Variants in SETD1A observed in about 807,000 individuals in gnomAD.
SETD1A encodes the protein SET domain containing 1A, histone lysine methyltransferase, also known as histone-lysine N-methyltransferase SETD1A.
In SETD1A, 29 loss-of-function variants were observed where a neutral mutation model predicts 149.9. The observed-to-expected ratio is 0.19, with a 90% confidence interval of 0.14 to 0.26. SETD1A has a LOEUF of 0.26. Ranked by LOEUF, SETD1A falls within the 10% of genes least tolerant of loss-of-function variation. The probability of loss-of-function intolerance (pLI) is 1.00; values close to 1 mark genes in which losing one functional copy is unlikely to be tolerated. For synonymous variants in SETD1A, 1,141 were observed against 968.5 expected (o/e 1.18, Z -3.31); for missense variants, 2,109 against 2,353.1 (o/e 0.90, Z 2.15).
At chr16:30,958,629 C>T (rs546255672) in intron 1 of SETD1A, 88 bp from the exon 2 acceptor site, 5 of 1,173,116 alleles carry the variant, frequency 4.3e-6, no homozygotes, top group Admixed American at 1.9e-5. Flanking sequence ...GATGGGAGAA[C>T]CTGGAATCGG....
Position 30,967,587 on chromosome 16 carries a change from C to T in SETD1A, c.2769C>T (p.Asp923=), listed in dbSNP as rs763265030. Residue 923 remains aspartate (D), a splice_region_variant and synonymous_variant, in exon 10 of 19, where the codon GAC becomes GAT. Transcript: ENST00000262519. ...RPSTPAEEDE[D]DPEQEKEAGE... Reference sequence around the variant, plus strand: ...CCACTCCTGCTGAGGAAGATGAAGACGGTGAGCAGGGTCAGGCATAAGGAG... The same window carrying T: ...CCACTCCTGCTGAGGAAGATGAAGATGGTGAGCAGGGTCAGGCATAAGGAG... 5.0e-5 allele frequency: 80 copies of T among 1,612,948 alleles called. No individual in the cohort carries two copies. Among genetic ancestry groups the T allele is most frequent in the Admixed American group, 8.3e-5 (5 of 59,970 alleles).
At chr16:30,969,204 C>A in intron 10 of SETD1A, 101 bp from the exon 11 acceptor site, 1 of 1,191,362 alleles carries the variant, frequency 8.4e-7, no homozygotes, top group Non-Finnish European at 1.2e-6. Flanking sequence ...GAAATGAAGA[C>A]CATCAGGAAG....
At chr16:30,974,395 G>A (rs189867295) in intron 13 of SETD1A, among the ~76,000 whole-genome samples, 2 of 151,368 alleles carry the variant, frequency 1.3e-5, no homozygotes, top group East Asian at 1.9e-4. Flanking sequence ...GTAGGCGAGT[G>A]GGGGGAGAGA....
rs1567363984 is a variant in SETD1A at position 30,979,988 on chromosome 16, G to GCCCCCCCACCCCCCC, written c.4204_4205insCCCCCACCCCCCCCC (p.Arg1401_Arg1402insProProThrProPro). On this transcript the variant is annotated inframe_insertion, in exon 14 of 19. Transcript: ENST00000262519. ...AGCCTCCGCTCCCACGCCCGGCGCC[G>GCCCCCCCACCCCCCC]CCGCCCTCCGCCCCCACCCCCGCCG... The GCCCCCCCACCCCCCC allele has an allele frequency of 2.0e-6, 3 of 1,494,234 alleles. No homozygotes were observed. Among genetic ancestry groups the GCCCCCCCACCCCCCC allele is most frequent in the South Asian group, 1.3e-5 (1 of 78,386 alleles). 92.6% of individuals were successfully genotyped at this position (1,494,234 alleles called of 1,614,324 possible). A position where few individuals can be genotyped will look rare whatever the true frequency, so the allele number is the denominator to read the frequency against.
rs145879879 is a variant in SETD1A, at chr16:30,964,153, G to T, written c.699G>T (p.Ala233=). 1.2e-5 allele frequency: 19 copies of T among 1,613,902 alleles called. No homozygotes were observed. In the Admixed American group the frequency reaches 2.8e-4, roughly 24 times the overall value. ...CTGCCTACCCAGCAGGCACCACTGCGGTGGGCACTCCTGGCAACGGCACCC... is the reference window on the plus strand; with the variant it reads ...CTGCCTACCCAGCAGGCACCACTGCTGTGGGCACTCCTGGCAACGGCACCC... ...DTAAYPAGTT[A]VGTPGNGTPC... The change falls in exon 6 of 19, where the codon GCG becomes GCT. Residue 233 remains alanine, a synonymous_variant. Transcript: ENST00000262519.
In SETD1A at chr16:30,964,287, G is replaced by GCAC; in HGVS notation, c.835_837dup (p.Thr279dup). On this transcript the variant is annotated inframe_insertion, in exon 6 of 19. Transcript: ENST00000262519. ...GGAACCCCCTACACGTCTCGGGGCAGCACCCCCTACTCTCAGGACTCTGCC... is the reference window on the plus strand; with the variant it reads ...GGAACCCCCTACACGTCTCGGGGCAGCACCACCCCCTACTCTCAGGACTCTGCC... 1 of 1,613,852 alleles carries GCAC rather than the reference G, an allele frequency of 6.2e-7. No homozygotes were observed. Among genetic ancestry groups the GCAC allele is most frequent in the East Asian group, 2.2e-5 (1 of 44,880 alleles).
intron 13 of SETD1A, among the ~76,000 whole-genome samples, chr16:30,976,231 C>A (rs991510146): frequency 6.6e-5 from 10 of 152,002 alleles, no homozygotes; most frequent in African/African-American, 1.2e-4. Flanking sequence ...ACAACAACAA[C>A]AAAAAAAGCC....
In SETD1A at chr16:30,966,925, T is replaced by C; in HGVS notation, c.2547T>C (p.Asp849=). 6.4e-7 allele frequency: 1 copy of C among 1,572,654 alleles called. No individual in the cohort carries two copies. Among genetic ancestry groups the C allele is most frequent in the Non-Finnish European group, 8.6e-7 (1 of 1,159,334 alleles). Residue 849 remains aspartate, a synonymous_variant, in exon 9 of 19, where the codon GAT becomes GAC. Transcript: ENST00000262519. ...CCAAGCAGCAAGCCAAGGAGGAGGA[T>C]AAAGAGAAGACGAAGCTGAAGGAGC... ...NAAKQQAKEE[D]KEKTKLKEPG...
In SETD1A at chr16:30,971,676, C is replaced by T; in HGVS notation, c.3315C>T (p.Val1105=). The T allele has an allele frequency of 6.2e-7, 1 of 1,601,302 alleles. No individual in the cohort carries two copies. Among genetic ancestry groups the T allele is most frequent in the Non-Finnish European group, 8.5e-7 (1 of 1,171,228 alleles). The change falls in exon 13 of 19, where the codon GTC becomes GTT. Residue 1105 remains valine, a synonymous_variant. Transcript: ENST00000262519. ...PVPERVAGSP[V]TPLPEQEASP... ...CGGAAAGGGTTGCAGGCTCCCCAGTCACACCCCTGCCCGAACAGGAGGCGT... is the reference window on the plus strand; with the variant it reads ...CGGAAAGGGTTGCAGGCTCCCCAGTTACACCCCTGCCCGAACAGGAGGCGT...
chr16:30,971,731 A>G lies in SETD1A; in HGVS notation c.3358+12A>G. 6.5e-7 allele frequency: 1 copy of G among 1,542,496 alleles called. No homozygotes were observed. The highest frequency in any genetic ancestry group is 1.4e-5 in the African/African-American group (1 of 72,928). ...AGCAAGGCCTGCAGGTAGGTGCCAC[A>G]GGGCTGTCGGTTAGATCGCTGTGTG... On this transcript the variant is annotated intron_variant, in intron 13 of 18. Coordinates refer to ENST00000262519, the MANE Select transcript of SETD1A (RefSeq NM_014712.3).
At chr16:30,982,183 T>C (rs1046473554) in intron 17 of SETD1A, among the ~76,000 whole-genome samples, 5 of 152,022 alleles carry the variant, frequency 3.3e-5, no homozygotes, top group African/African-American at 9.7e-5. Context: ...TGTGAGAGTG[T>C]GGAGGTCAGC....
rs1442056129 is a variant in SETD1A, at chr16:30,970,396, G to A, written c.3016+707G>A. Among the ~76,000 whole-genome samples, 5 of 151,494 alleles carry A rather than the reference G, an allele frequency of 3.3e-5. No homozygotes were observed. The East Asian group carries it at 7.8e-4, about 23-fold the overall frequency. On this transcript the variant is annotated intron_variant, in intron 12 of 18. Coordinates refer to ENST00000262519, the MANE Select transcript of SETD1A (RefSeq NM_014712.3). ...GATTTTCCTGCCTCAGCCTCCCAAA[G>A]CGCTGGGATTACAGGTGTGAGCCAC...
At chr16:30,963,587 C>G (rs749345424) in intron 5 of SETD1A, 33 bp downstream of exon 5, 2 of 1,599,074 alleles carry the variant, frequency 1.3e-6, no homozygotes, top group South Asian at 2.2e-5. Flanking sequence ...AGCCCCTAGC[C>G]ATGTGGGCAT....
At chr16:30,959,801 A>C in intron 3 of SETD1A, among the ~76,000 whole-genome samples, 1 of 147,888 alleles carries the variant, frequency 6.8e-6, no homozygotes. Flanking sequence ...TCTCTTTCAC[A>C]CCCACAGCTT....
In SETD1A at chr16:30,961,166, G is replaced by C. The variant is rs1352212226; in HGVS notation, c.247-101G>C. The C allele has an allele frequency of 8.0e-7, 1 of 1,257,790 alleles. No individual in the cohort carries two copies. Among genetic ancestry groups the C allele is most frequent in the African/African-American group, 1.5e-5 (1 of 66,298 alleles). The allele number at this position is 1,257,790 out of a possible 1,614,324, so 77.9% of individuals were successfully genotyped here. A position where few individuals can be genotyped will look rare whatever the true frequency, so the allele number is the denominator to read the frequency against. ...CCTTCCCTTGCCCCTCACTTTCCCGGATCTCTCTCTTGACTTCATGGAGCT... is the reference window on the plus strand; with the variant it reads ...CCTTCCCTTGCCCCTCACTTTCCCGCATCTCTCTCTTGACTTCATGGAGCT... On this transcript the variant is annotated intron_variant, in intron 3 of 18. Transcript: ENST00000262519. This position sits in a 1 kb window ranked among gnomAD's most constrained non-coding sequence, Gnocchi z 4.0.
intron 3 of SETD1A, among the ~76,000 whole-genome samples, chr16:30,959,747 T>C (rs2056022932): frequency 7.1e-6 from 1 of 140,400 alleles, no homozygotes; most frequent in South Asian, 3.5e-4. Flanking sequence ...TTCATTCTTC[T>C]TCTTCTTTTT....
chr16:30,979,564 G>A lies in SETD1A; in HGVS notation c.3778G>A (p.Ala1260Thr), dbSNP rs1407435472. Residue 1260 changes from alanine (A) to threonine (T), a missense_variant, in exon 14 of 19, where the codon GCC (alanine) becomes ACC (threonine). Physicochemically the swap from Ala to Thr is moderately conservative, Grantham distance 58 (BLOSUM62 0). Transcript: ENST00000262519. ...GGACCTGGCGGTCCTGGCCGACCTG[G>A]CCCTGACCCCTGCCCGGCGCGGGCT... Reference protein sequence around the residue: ...EVDLAVLADLALTPARRGLPA... With the variant: ...EVDLAVLADLTLTPARRGLPA... 2 of 1,609,990 alleles carry A rather than the reference G, an allele frequency of 1.2e-6. No individual in the cohort carries two copies.
At chr16:30,959,013 G>A (rs1425626204) in intron 2 of SETD1A, 78 bp from the exon 3 acceptor site, 24 of 1,426,966 alleles carry the variant, frequency 1.7e-5, no homozygotes, top group Admixed American at 3.4e-5. Context: ...CTGCATGTGT[G>A]TGTCCAGATG....
Position 30,971,490 on chromosome 16 carries a change from C to A in SETD1A, c.3129C>A (p.Ser1043=), listed in dbSNP as rs531337171. The change falls in exon 13 of 19, where the codon TCC becomes TCA. Residue 1043 remains serine, a synonymous_variant. Coordinates refer to ENST00000262519, the MANE Select transcript of SETD1A (RefSeq NM_014712.3). ...GCAGCAGCTCTTCCAGCTCCTCATC[C>A]TCCTCCTCCTCCTCGTCCTCATCCT... The part of the protein sequence containing the change: ...SESSSSSSSS[S]SSSSSSSSSS... The A allele has an allele frequency of 1.3e-6, 2 of 1,562,750 alleles. No homozygotes were observed. The highest frequency in any genetic ancestry group is 1.7e-6 in the Non-Finnish European group (2 of 1,150,302).
Sources: gnomAD v4.1 joint callset for allele counts (sites outside exome capture counted in the v4.1 genomes callset) on GRCh38, gnomAD v4.1.1 for gene constraint, Gnocchi (gnomAD v3.1) non-coding constraint, MANE v1.5 for transcripts, NCBI Gene and HGNC (gene_info 2026-07-23, HGNC 2026-07-21) for gene names.